The following KTN1 variants were observed in gnomAD, a reference collection of about 807,000 sequenced individuals.
KTN1 encodes kinectin 1, also known as kinectin.
In KTN1, 130 loss-of-function variants were observed where a neutral mutation model predicts 222.5. That is an observed-to-expected ratio of 0.58 (90% CI 0.51 to 0.68). The LOEUF (loss-of-function observed/expected upper bound fraction) is 0.68, where lower values mean the gene tolerates loss of function less well. Among genes scored for constraint, KTN1 ranks in the 30% least tolerant of loss-of-function variants. The pLI, the probability that KTN1 is intolerant of heterozygous loss-of-function variation, is 0.00. For synonymous variants in KTN1, 512 were observed against 496.3 expected, an observed-to-expected ratio of 1.03 and a Z score of -0.42; for missense variants, 1,508 against 1,500.4, an observed-to-expected ratio of 1.01 and a Z score of -0.08.
intron 33 of KTN1, 71 bp from the exon 34 acceptor site, chr14:55,667,170 T>C: frequency 1.0e-6 from 1 of 998,336 alleles, no homozygotes; most frequent in Non-Finnish European, 1.5e-6. Flanking sequence ...AACACTATAG[T>C]TTTTTTCTTT....
In KTN1 at chr14:55,654,516, TTTAGGTATA is replaced by T. The variant is rs556123660; in HGVS notation, c.2801+923_2801+931del. ...TATGTAGACCATTAAAGTAGGTAAT[TTTAGGTATA>T]TTTCTGCCTTACATTTTTTTTTTTT... is the stretch of plus-strand genomic sequence containing the variant. On this transcript the variant is annotated intron_variant, in intron 28 of 43. Coordinates refer to ENST00000395314, the MANE Select transcript of KTN1 (RefSeq NM_001079521.2). 3.3e-3 allele frequency among the ~76,000 whole-genome samples: 498 copies of T among 150,692 alleles called. 1 individual carries two copies. The highest frequency in any genetic ancestry group is 0.012 in the African/African-American group (478 of 40,848).
At chr14:55,610,014 G>C (rs989067577) in intron 1 of KTN1, among the ~76,000 whole-genome samples, 8 of 152,134 alleles carry the variant, frequency 5.3e-5, no homozygotes, top group African/African-American at 1.9e-4. Flanking sequence ...AAACAATTCT[G>C]TATGGAGTTT....
chr14:55,590,921 G>A (rs1159852315), intron 1 of KTN1, among the ~76,000 whole-genome samples: 3 of 152,094 alleles, frequency 2.0e-5, no homozygotes, highest in African/African-American at 4.8e-5. Flanking sequence ...TGATCCACCC[G>A]CCTTGGCCTC....
At chr14:55,633,488 CTT>C in intron 8 of KTN1, 147 bp downstream of exon 8, 1 of 501,550 alleles carries the variant, frequency 2.0e-6, no homozygotes, top group East Asian at 3.3e-5. Flanking sequence ...AAACAATTCT[CTT>C]TTGCTTTGTG....
chr14:55,656,807 G>A (rs2043532047), intron 29 of KTN1, among the ~76,000 whole-genome samples: 1 of 152,098 alleles, frequency 6.6e-6, no homozygotes, highest in African/African-American at 2.4e-5. Flanking sequence ...TGGATACCTA[G>A]ATTATTTAGG....
chr14:55,602,671 T>G (rs1377809774), intron 1 of KTN1, among the ~76,000 whole-genome samples: 1 of 151,908 alleles, frequency 6.6e-6, no homozygotes, highest in African/African-American at 2.4e-5. Flanking sequence ...AGCCTTGAGC[T>G]TCTGTGCTCA....
intron 18 of KTN1, among the ~76,000 whole-genome samples, chr14:55,646,566 C>G (rs993597402): frequency 8.3e-6 from 1 of 120,152 alleles, no homozygotes; most frequent in Admixed American, 9.8e-5. Context: ...CTCTCTCTTT[C>G]TCTTTCTCTT....
chr14:55,593,154 A>G (rs751059216), intron 1 of KTN1, among the ~76,000 whole-genome samples: 1 of 151,942 alleles, frequency 6.6e-6, no homozygotes, highest in African/African-American at 2.4e-5. Flanking sequence ...ACCTGTTTCA[A>G]TTCTCTTTGT....
At position 55,650,277 on chromosome 14, in the gene KTN1, G is replaced by T. The variant is rs765473137; in HGVS notation, c.2406-51G>T. On this transcript the variant is annotated intron_variant, in intron 22 of 43. Transcript: ENST00000395314. ...TTATTTGGTGCTATTTTTATATCTTGGTGGGTCTTGGTGATTTCTAATCAA... is the reference window on the plus strand; with the variant it reads ...TTATTTGGTGCTATTTTTATATCTTTGTGGGTCTTGGTGATTTCTAATCAA... 4.3e-6 allele frequency: 5 copies of T among 1,153,200 alleles called. No individual in the cohort carries two copies. In the Admixed American group the frequency reaches 9.4e-5, roughly 22 times the overall value. The allele number at this position is 1,153,200 out of a possible 1,614,324, so 71.4% of individuals were successfully genotyped here.
At chr14:55,654,883 C>T (rs1056445420) in intron 28 of KTN1, among the ~76,000 whole-genome samples, 3 of 152,196 alleles carry the variant, frequency 2.0e-5, no homozygotes, top group African/African-American at 4.8e-5. Context: ...CGGCAGCACC[C>T]CCCGGCAACC....
At chr14:55,639,469 C>G (rs895803246) in intron 13 of KTN1, among the ~76,000 whole-genome samples, 1 of 148,474 alleles carries the variant, frequency 6.7e-6, no homozygotes, top group Non-Finnish European at 1.5e-5. Flanking sequence ...GGGAGACTTT[C>G]ATTTGAGTGT....
At chr14:55,627,232 AGTT>A (rs973371042) in intron 5 of KTN1, among the ~76,000 whole-genome samples, 4 of 152,140 alleles carry the variant, frequency 2.6e-5, no homozygotes, top group African/African-American at 9.7e-5. Context: ...GAATTCCTGT[AGTT>A]CTTCGTAAAA....
At chr14:55,582,841 T>C (rs539312896) in intron 1 of KTN1, among the ~76,000 whole-genome samples, 1 of 152,312 alleles carries the variant, frequency 6.6e-6, no homozygotes, top group East Asian at 1.9e-4. Flanking sequence ...ATACACCTTA[T>C]GACCTGCTTG....
chr14:55,614,128 C>T (rs2038006400), intron 2 of KTN1, among the ~76,000 whole-genome samples: 1 of 152,138 alleles, frequency 6.6e-6, no homozygotes, highest in Non-Finnish European at 1.5e-5. Context: ...GAAAAGATAG[C>T]AGTGGCTAGA....
At position 55,612,359 on chromosome 14, in the gene KTN1, T is replaced by G. The variant is rs138285981; in HGVS notation, c.311T>G (p.Val104Gly). 11 of 1,614,000 alleles carry G rather than the reference T, an allele frequency of 6.8e-6. No homozygotes were observed. In the African/African-American group the frequency reaches 1.5e-4, roughly 22 times the overall value. ...DDQVAPVPLNVVETSSSVRER... is the reference protein window; with the variant it reads ...DDQVAPVPLNGVETSSSVRER... ...CAAGTTGCACCTGTTCCATTGAATG[T>G]CGTTGAAACTTCAAGTAGTGTTAGG... The change falls in exon 2 of 44, where the codon GTC becomes GGC. Residue 104 changes from valine (V) to glycine (G), a missense_variant. Val to Gly is a moderately radical substitution (Grantham distance 109). Coordinates refer to ENST00000395314, the MANE Select transcript of KTN1 (RefSeq NM_001079521.2).
Position 55,613,361 on chromosome 14 carries a change from A to C in KTN1, c.523+790A>C, listed in dbSNP as rs534332152. Among the ~76,000 whole-genome samples the C allele has an allele frequency of 2.8e-4, 43 of 152,276 alleles. No individual in the cohort carries two copies. In the East Asian group the frequency reaches 8.3e-3, roughly 29 times the overall value. On this transcript the variant is annotated intron_variant, in intron 2 of 43. Transcript: ENST00000395314. ...GAGATTCCAGGGAAAGGGGGTTGAT[A>C]GGTACAATGGAAAAGCCTTGAAAAT... is the stretch of plus-strand genomic sequence containing the variant.
In KTN1 at chr14:55,639,586, T is replaced by C. The variant is rs567430787; in HGVS notation, c.1824-327T>C. ...TTCTGTGTCCAGCTCTGTGGTAGTA[T>C]ACCCAAAACAAAGTTATATGCTTTT... On this transcript the variant is annotated intron_variant, in intron 13 of 43. Coordinates refer to ENST00000395314, the MANE Select transcript of KTN1 (RefSeq NM_001079521.2). Among the ~76,000 whole-genome samples the C allele has an allele frequency of 1.8e-4, 27 of 151,924 alleles. No homozygotes were observed. In the South Asian group the frequency reaches 3.9e-3, roughly 22 times the overall value.
At chr14:55,650,203 T>C in intron 22 of KTN1, 125 bp from the exon 23 acceptor site, 2 of 695,128 alleles carry the variant, frequency 2.9e-6, no homozygotes, top group Admixed American at 2.6e-5. Context: ...CAAAGACATG[T>C]TGCTATTTTA....
Position 55,617,970 on chromosome 14 carries a change from T to C in KTN1, c.668T>C (p.Val223Ala), listed in dbSNP as rs1198551363. 5.1e-6 allele frequency: 8 copies of C among 1,578,072 alleles called. No individual in the cohort carries two copies. Among genetic ancestry groups the C allele is most frequent in the Non-Finnish European group, 6.9e-6 (8 of 1,165,438 alleles). ...TGTTGAACTTAAATTGCAGTCTTCGTAGATGAACCCCTTATTCATGCAACT... is the reference window on the plus strand; with the variant it reads ...TGTTGAACTTAAATTGCAGTCTTCGCAGATGAACCCCTTATTCATGCAACT... ...SKKQKTENVF[V>A]DEPLIHATTY... Residue 223 changes from valine (V) to alanine (A), a missense_variant, in exon 4 of 44, where the codon GTA becomes GCA. Physicochemically the swap from Val to Ala is moderately conservative, Grantham distance 64. Transcript: ENST00000395314.
Sources: gnomAD v4.1 joint callset for allele counts (sites outside exome capture counted in the v4.1 genomes callset) on GRCh38, gnomAD v4.1.1 for gene constraint, MANE v1.5 for transcripts, NCBI Gene and HGNC (gene_info 2026-07-23, HGNC 2026-07-21) for gene names.